Variants in CLEC6A observed in about 807,000 individuals in gnomAD.
The protein encoded by CLEC6A is C-type lectin domain containing 6A, also known as C-type lectin domain family 6 member A.
CLEC6A carries 22 observed loss-of-function variants against 25.7 expected under a neutral mutation model. The observed-to-expected ratio is 0.85, with a 90% CI of 0.61 to 1.22. CLEC6A has a LOEUF of 1.22. CLEC6A is among the 50% of genes most tolerant of loss of function. The pLI, the probability that CLEC6A is intolerant of heterozygous loss-of-function variation, is 0.00. For missense variants in CLEC6A, 240 were observed against 236.8 expected (o/e 1.01, Z -0.09); for synonymous variants, 92 against 76.7 (o/e 1.20, Z -1.04).
chr12:8,466,811 C>T (rs749522965), intron 4 of CLEC6A, among the ~76,000 whole-genome samples: 9 of 145,750 alleles, frequency 6.2e-5, no homozygotes, highest in East Asian at 4.2e-4. Context: ...CCTGCCACCA[C>T]GATTGGCTAA....
intron 4 of CLEC6A, among the ~76,000 whole-genome samples, chr12:8,475,186 T>C (rs934252067): frequency 6.6e-6 from 1 of 152,116 alleles, no homozygotes; most frequent in African/African-American, 2.4e-5. Flanking sequence ...AGTAATTTGC[T>C]ACTTTCTAGG....
intron 1 of CLEC6A, among the ~76,000 whole-genome samples, chr12:8,456,622 T>A (rs61442865): frequency 0.74 from 111,422 of 149,812 alleles, 41,314 homozygotes; most frequent in East Asian, 0.99. Context: ...TTTAAAAAAA[T>A]TTTTATTAAA....
At position 8,467,256 on chromosome 12, in the gene CLEC6A, A is replaced by G. The variant is rs141108958; in HGVS notation, c.369+1627A>G. ...CCCCATGATTTTGGTTTCATATCCAATACATTGCTAATTTCAATGTCATGA... is the reference window on the plus strand; with the variant it reads ...CCCCATGATTTTGGTTTCATATCCAGTACATTGCTAATTTCAATGTCATGA... On this transcript the variant is annotated intron_variant, in intron 4 of 5. Transcript: ENST00000382073. Among the ~76,000 whole-genome samples the G allele has an allele frequency of 8.3e-3, 1,258 of 152,288 alleles. 25 individuals carry two copies. The highest frequency in any genetic ancestry group is 0.029 in the African/African-American group (1,216 of 41,564).
At chr12:8,461,425 C>T (rs969770927) in intron 3 of CLEC6A, among the ~76,000 whole-genome samples, 1 of 152,136 alleles carries the variant, frequency 6.6e-6, no homozygotes, top group African/African-American at 2.4e-5. Context: ...TTAGCTTTTG[C>T]CTTCAGAATG....
At chr12:8,468,719 A>G (rs760640669) in intron 4 of CLEC6A, among the ~76,000 whole-genome samples, 4 of 152,336 alleles carry the variant, frequency 2.6e-5, no homozygotes, top group Admixed American at 1.3e-4. Flanking sequence ...CAGAAAAACC[A>G]TTTGACAAAA....
chr12:8,457,623 G>A (rs1459796837), intron 1 of CLEC6A, among the ~76,000 whole-genome samples: 1 of 152,136 alleles, frequency 6.6e-6, no homozygotes, highest in African/African-American at 2.4e-5. Flanking sequence ...GATGTTTTGA[G>A]AAACGAAATC....
chr12:8,477,031 T>C (rs1231586117), intron 5 of CLEC6A, among the ~76,000 whole-genome samples: 1 of 152,074 alleles, frequency 6.6e-6, no homozygotes, highest in Non-Finnish European at 1.5e-5. Context: ...AAGGAAATTA[T>C]TTAATAACCC....
chr12:8,469,320 G>T (rs907202769), intron 4 of CLEC6A, among the ~76,000 whole-genome samples: 2 of 152,042 alleles, frequency 1.3e-5, no homozygotes, highest in Non-Finnish European at 2.9e-5. Context: ...CTATGCTCAT[G>T]GATGATTAGA....
At chr12:8,462,924 T>C (rs988378956) in intron 3 of CLEC6A, among the ~76,000 whole-genome samples, 2 of 152,216 alleles carry the variant, frequency 1.3e-5, no homozygotes, top group East Asian at 3.8e-4. Flanking sequence ...ATTTTTATCA[T>C]GCTATAGAAG....
chr12:8,460,996 TA>T, intron 3 of CLEC6A: 1 of 1,309,804 alleles, frequency 7.6e-7, no homozygotes, highest in Non-Finnish European at 1.1e-6. Flanking sequence ...AGATTCCACA[TA>T]AAAATTTTTG....
intron 4 of CLEC6A, among the ~76,000 whole-genome samples, chr12:8,473,971 G>T (rs1158014222): frequency 6.6e-6 from 1 of 152,060 alleles, no homozygotes; most frequent in Non-Finnish European, 1.5e-5. Context: ...GATTCTGGAT[G>T]TTAGACCTTT....
rs768583473 is a variant in CLEC6A, at chr12:8,466,355, CA to C, written c.369+729del. ...TAATTGTGCAATGAATGTGGGTGGG[CA>C]AATAATCTTTTAGAGTTTTTGCTTT... On this transcript the variant is annotated intron_variant, in intron 4 of 5. Transcript: ENST00000382073. Among the ~76,000 whole-genome samples the C allele has an allele frequency of 3.7e-4, 56 of 152,274 alleles. No homozygotes were observed. In the South Asian group the frequency reaches 0.011, roughly 30 times the overall value.
intron 1 of CLEC6A, among the ~76,000 whole-genome samples, chr12:8,456,922 C>T (rs1485624139): frequency 6.6e-6 from 1 of 152,030 alleles, no homozygotes; most frequent in African/African-American, 2.4e-5. Context: ...CCAGCCTGGC[C>T]AACATGGTGA....
chr12:8,456,085 A>G lies in CLEC6A; in HGVS notation c.-27A>G, dbSNP rs1001632528. On this transcript the variant is annotated 5_prime_UTR_variant, in exon 1 of 6. Coordinates refer to ENST00000382073, the MANE Select transcript of CLEC6A (RefSeq NM_001007033.2). ...GGAGAGAGGTACAAAAGGTTCCTGG[A>G]CCTTCTCAACACAGGGAGCCTGCAT... The G allele has an allele frequency of 5.0e-6, 8 of 1,613,096 alleles. No homozygotes were observed. In the African/African-American group the frequency reaches 5.3e-5, roughly 11 times the overall value.
At chr12:8,457,857 G>T (rs1042585248) in intron 1 of CLEC6A, 41 bp from the exon 2 acceptor site, 2 of 1,479,324 alleles carry the variant, frequency 1.4e-6, no homozygotes, top group South Asian at 1.1e-5. Context: ...TGGCTCCCTG[G>T]CCCCCTGGTA....
intron 4 of CLEC6A, 122 bp from the exon 5 acceptor site, chr12:8,476,003 G>A: frequency 1.7e-6 from 1 of 575,374 alleles, no homozygotes; most frequent in East Asian, 2.9e-5. Flanking sequence ...AGGCCATCAT[G>A]TGACTGCTCC....
chr12:8,462,858 C>T (rs766330853), intron 3 of CLEC6A, among the ~76,000 whole-genome samples: 145 of 151,588 alleles, frequency 9.6e-4, no homozygotes, highest in African/African-American at 3.1e-3. Context: ...TTCCACCTAA[C>T]GAGAAACACC....
chr12:8,466,029 A>G (rs1939824564), intron 4 of CLEC6A, among the ~76,000 whole-genome samples: 1 of 152,212 alleles, frequency 6.6e-6, no homozygotes, highest in Non-Finnish European at 1.5e-5. Flanking sequence ...ATTCCATTGT[A>G]TGTGTATCTA....
chr12:8,458,082 A>G (rs2136356182), intron 2 of CLEC6A, 95 bp downstream of exon 2: 1 of 770,104 alleles, frequency 1.3e-6, no homozygotes, highest in East Asian at 2.8e-5. Flanking sequence ...CCCCATTAAT[A>G]CGTCAGCTCT....
Sources: allele counts gnomAD v4.1 joint callset (sites outside exome capture counted in the v4.1 genomes callset), GRCh38; gene constraint gnomAD v4.1.1; transcripts MANE v1.5; gene names NCBI Gene and HGNC (gene_info 2026-07-23, HGNC 2026-07-21).